Variants in CACNA1S observed in about 807,000 individuals in gnomAD.
CACNA1S encodes the protein voltage-dependent L-type calcium channel subunit alpha-1S.
Under a neutral mutation model 207.4 loss-of-function variants are expected in CACNA1S, and 126 were observed. The observed-to-expected ratio is 0.61, with a 90% confidence interval of 0.53 to 0.70. CACNA1S has a LOEUF of 0.70. Among genes scored for constraint, CACNA1S ranks in the 30% least tolerant of loss-of-function variants. CACNA1S has a pLI of 0.00. For missense variants in CACNA1S, 2,349 were observed against 2,422.8 expected (o/e 0.97, Z 0.64); for synonymous variants, 960 against 932.7 (o/e 1.03, Z -0.53).
At chr1:201,111,192 C>A (rs1663089481) in intron 1 of CACNA1S, among the ~76,000 whole-genome samples, 1 of 152,148 alleles carries the variant, frequency 6.6e-6, no homozygotes, top group South Asian at 2.1e-4. Flanking sequence ...GAGAGCGGGT[C>A]AGGGGAACAG....
chr1:201,075,772 A>C (rs552129715), intron 12 of CACNA1S, among the ~76,000 whole-genome samples, 157 bp from the exon 13 acceptor site: 3 of 152,272 alleles, frequency 2.0e-5, no homozygotes, highest in Non-Finnish European at 4.4e-5. Flanking sequence ...TGCTATCCCC[A>C]AAACCCCTAT....
At chr1:201,049,263 A>C (rs200184501) in intron 34 of CACNA1S, among the ~76,000 whole-genome samples, 164 bp from the exon 35 acceptor site, 11 of 152,266 alleles carry the variant, frequency 7.2e-5, no homozygotes, top group Admixed American at 7.2e-4. Context: ...TTTTAAAAGA[A>C]GAGACAATGT....
At chr1:201,069,394 T>A in intron 18 of CACNA1S, 78 bp downstream of exon 18, 1 of 1,582,642 alleles carries the variant, frequency 6.3e-7, no homozygotes, top group South Asian at 1.2e-5. Flanking sequence ...ACATAGAGGA[T>A]ACAGCTGAAC....
At chr1:201,086,422 T>C (rs1662041737) in intron 7 of CACNA1S, among the ~76,000 whole-genome samples, 1 of 152,238 alleles carries the variant, frequency 6.6e-6, no homozygotes. Context: ...GGTGACTTCA[T>C]CTCTGTGCAG....
At chr1:201,107,962 C>T (rs912599859) in intron 2 of CACNA1S, among the ~76,000 whole-genome samples, 4 of 152,164 alleles carry the variant, frequency 2.6e-5, no homozygotes, top group Admixed American at 6.5e-5. Flanking sequence ...ACTCATAATA[C>T]TGTCTCTATG....
chr1:201,108,068 G>A (rs1225075431), intron 2 of CACNA1S, among the ~76,000 whole-genome samples: 2 of 150,772 alleles, frequency 1.3e-5, no homozygotes, highest in African/African-American at 4.9e-5. Context: ...AGCCAATTTT[G>A]TTTCAGGATG....
chr1:201,112,195 C>T lies in CACNA1S; in HGVS notation c.145G>A (p.Glu49Lys). The change falls in exon 1 of 44, where the codon GAA becomes AAA. Residue 49 changes from glutamate (E) to lysine (K), a missense_variant. By Grantham distance (56) the Glu-to-Lys change is moderately conservative. Transcript: ENST00000362061. The stretch of plus-strand genomic sequence containing the variant: ...CCGGGCCCTGAAGGATACTTCCATT[C>T]TACAATGCTGATGCAGGCCTTCCTC... ...PLRKACISIV[E>K]WKPFETIILL... 1.2e-6 allele frequency: 2 copies of T among 1,613,570 alleles called. No individual in the cohort carries two copies. The highest frequency in any genetic ancestry group is 1.7e-6 in the Non-Finnish European group (2 of 1,179,800).
In CACNA1S at chr1:201,066,776, A is replaced by G; in HGVS notation, c.2657+111T>C. On this transcript the variant is annotated intron_variant, in intron 20 of 43. Coordinates refer to ENST00000362061, the MANE Select transcript of CACNA1S (RefSeq NM_000069.3). The surrounding 1 kb of genome is among the most constrained non-coding windows in gnomAD (Gnocchi z 4.3). ...CTGCCTCCATCGGAGGCCCCGAGAG[A>G]CCCTCCTCTTGTGGCAGGGGCCCAC... 1 of 808,300 alleles carries G rather than the reference A, an allele frequency of 1.2e-6. No individual in the cohort carries two copies. The highest frequency in any genetic ancestry group is 2.1e-6 in the Non-Finnish European group (1 of 468,164). 50.1% of individuals were successfully genotyped at this position (808,300 alleles called of 1,614,324 possible). A position where few individuals can be genotyped will look rare whatever the true frequency, so the allele number is the denominator to read the frequency against.
At chr1:201,072,609 A>G in intron 16 of CACNA1S, 146 bp downstream of exon 16, 1 of 731,260 alleles carries the variant, frequency 1.4e-6, no homozygotes, top group Non-Finnish European at 2.5e-6. Flanking sequence ...TTATTTGCAC[A>G]GAAGGGATGT....
rs377459546 is a variant in CACNA1S, at chr1:201,077,002, C to G, written c.1745G>C (p.Gly582Ala). 148 of 1,614,242 alleles carry G rather than the reference C, an allele frequency of 9.2e-5. 1 individual carries two copies. Among genetic ancestry groups the G allele is most frequent in the East Asian group, 4.5e-4 (20 of 44,890 alleles). The change falls in exon 12 of 44, where the codon GGG (glycine) becomes GCG (alanine). Residue 582 changes from glycine (G) to alanine (A), a missense_variant. By Grantham distance (60) the Gly-to-Ala change is moderately conservative. Coordinates refer to ENST00000362061, the MANE Select transcript of CACNA1S (RefSeq NM_000069.3). ...TGTGTCTTCAAAGTCATACCTCCCC[C>G]CAAAGAGCTGCATGCCCAGGAGGGC... The part of the protein sequence containing the change: ...IFALLGMQLF[G>A]GRYDFEDTEV...
At chr1:201,099,124 C>T (rs1381538003) in intron 2 of CACNA1S, among the ~76,000 whole-genome samples, 1 of 152,250 alleles carries the variant, frequency 6.6e-6, no homozygotes, top group Non-Finnish European at 1.5e-5. Flanking sequence ...TTCTCCTCCC[C>T]TGGCCCGCAT....
intron 12 of CACNA1S, among the ~76,000 whole-genome samples, chr1:201,075,882 AC>A (rs1327129771): frequency 6.6e-6 from 1 of 152,230 alleles, no homozygotes; most frequent in African/African-American, 2.4e-5. Context: ...AGCTTGGCCA[AC>A]ATGGTGAGAC....
chr1:201,066,067 C>T lies in CACNA1S; in HGVS notation c.2746-122G>A. ...CTGATGAGTTGGAGGTGGGGAAAGG[C>T]TGGTGGGGAAGCATAGCTACCCCAG... On this transcript the variant is annotated intron_variant, in intron 21 of 43. Coordinates refer to ENST00000362061, the MANE Select transcript of CACNA1S (RefSeq NM_000069.3). The surrounding 1 kb of genome is among the most constrained non-coding windows in gnomAD (Gnocchi z 4.3). The T allele has an allele frequency of 1.1e-6, 1 of 931,654 alleles. No individual in the cohort carries two copies. The highest frequency in any genetic ancestry group is 1.7e-6 in the Non-Finnish European group (1 of 582,786). 57.7% of individuals were successfully genotyped at this position (931,654 alleles called of 1,614,324 possible).
chr1:201,069,231 G>C (rs776362386), intron 18 of CACNA1S, 35 bp from the exon 19 acceptor site: 1 of 1,591,974 alleles, frequency 6.3e-7, no homozygotes, highest in Non-Finnish European at 8.6e-7. Flanking sequence ...CAGCCAGTGA[G>C]AGGAGGAGGG....
chr1:201,071,240 G>C (rs895508786), intron 16 of CACNA1S, among the ~76,000 whole-genome samples: 2 of 152,154 alleles, frequency 1.3e-5, no homozygotes, highest in African/African-American at 4.8e-5. Context: ...AAGAGCTACT[G>C]GATTCTACTG....
chr1:201,107,358 G>A (rs2102186661), intron 2 of CACNA1S, among the ~76,000 whole-genome samples: 1 of 152,256 alleles, frequency 6.6e-6, no homozygotes, highest in African/African-American at 2.4e-5. Flanking sequence ...GACTAGCTTA[G>A]GTTCTCTGTC....
At chr1:201,056,677 T>G (rs1660856706) in intron 28 of CACNA1S, among the ~76,000 whole-genome samples, 1 of 152,182 alleles carries the variant, frequency 6.6e-6, no homozygotes, top group African/African-American at 2.4e-5. Flanking sequence ...GACTCTCGGA[T>G]CTTCTCCACC....
intron 22 of CACNA1S, among the ~76,000 whole-genome samples, chr1:201,062,968 T>A (rs1336501887): frequency 6.6e-6 from 1 of 152,036 alleles, no homozygotes; most frequent in Non-Finnish European, 1.5e-5. Flanking sequence ...ACCTCCCACC[T>A]CCATCCTCCT....
At chr1:201,093,726 C>T (rs751735461) in intron 3 of CACNA1S, among the ~76,000 whole-genome samples, 156 bp downstream of exon 3, 1 of 152,192 alleles carries the variant, frequency 6.6e-6, no homozygotes, top group Non-Finnish European at 1.5e-5. Flanking sequence ...ATGGACAGCT[C>T]CCTTGCTGGG....
Sources: allele counts gnomAD v4.1 joint callset (sites outside exome capture counted in the v4.1 genomes callset), GRCh38; gene constraint gnomAD v4.1.1; non-coding constraint Gnocchi (gnomAD v3.1); transcripts MANE v1.5; gene names NCBI Gene and HGNC (gene_info 2026-07-23, HGNC 2026-07-21).